The following SUPT3H variants were observed in gnomAD, a reference collection of about 807,000 sequenced individuals.
SUPT3H encodes the protein SPT3 homolog, SAGA and STAGA complex component, also known as transcription initiation protein SPT3 homolog.
Under a neutral mutation model 44.3 loss-of-function variants are expected in SUPT3H, and 44 were observed. The observed-to-expected ratio is 0.99, with a 90% CI of 0.78 to 1.28. The LOEUF (loss-of-function observed/expected upper bound fraction) is 1.28. Ranked by LOEUF, SUPT3H falls within the 50% of genes most tolerant of loss-of-function variation. The pLI, the probability that SUPT3H is intolerant of heterozygous loss-of-function variation, is 0.00. For missense variants in SUPT3H, 380 were observed against 387.1 expected (o/e 0.98, Z 0.15); for synonymous variants, 124 against 125.6 (o/e 0.99, Z 0.09).
intron 1 of SUPT3H, among the ~76,000 whole-genome samples, chr6:45,369,586 C>G (rs911770776): frequency 6.6e-6 from 1 of 152,010 alleles, no homozygotes; most frequent in Non-Finnish European, 1.5e-5. Context: ...GACAGTGTAT[C>G]GTATCCTCCC....
chr6:44,815,413 AT>A (rs990157156), intron 11 of SUPT3H, among the ~76,000 whole-genome samples: 1 of 152,210 alleles, frequency 6.6e-6, no homozygotes, highest in Non-Finnish European at 1.5e-5. Context: ...AGATTGTAAA[AT>A]GGGTTAAAAA....
chr6:45,303,777 G>A (rs368305867), intron 2 of SUPT3H, among the ~76,000 whole-genome samples: 9 of 151,468 alleles, frequency 5.9e-5, no homozygotes, highest in East Asian at 3.9e-4. Flanking sequence ...GGCGGATCAC[G>A]AGGTCAGGAG....
At chr6:45,133,606 C>CA (rs1803821365) in intron 2 of SUPT3H, among the ~76,000 whole-genome samples, 2 of 152,106 alleles carry the variant, frequency 1.3e-5, no homozygotes, top group South Asian at 4.1e-4. Flanking sequence ...CATAGGCTTA[C>CA]AAAAATCTGA....
intron 10 of SUPT3H, among the ~76,000 whole-genome samples, chr6:44,909,844 T>C (rs1156952683): frequency 1.3e-5 from 2 of 152,200 alleles, no homozygotes; most frequent in African/African-American, 4.8e-5. Context: ...ATTTTAGAAA[T>C]GTTGGCAGGC....
chr6:45,218,553 A>T, intron 2 of SUPT3H, among the ~76,000 whole-genome samples: 1 of 152,174 alleles, frequency 6.6e-6, no homozygotes, highest in East Asian at 1.9e-4. Context: ...AACATGGAGA[A>T]ACCCCACCTC....
chr6:44,830,160 T>C (rs1561846389), intron 10 of SUPT3H, among the ~76,000 whole-genome samples: 1 of 152,198 alleles, frequency 6.6e-6, no homozygotes, highest in Non-Finnish European at 1.5e-5. Flanking sequence ...TTGAATCTGT[T>C]TGTCTTTTAT....
In SUPT3H at chr6:45,155,487, CA is replaced by C. The variant is rs1807666457; in HGVS notation, c.102-49482del. Among the ~76,000 whole-genome samples, 4 of 152,268 alleles carry C rather than the reference CA, an allele frequency of 2.6e-5. No individual in the cohort carries two copies. In the South Asian group the frequency reaches 8.3e-4, roughly 32 times the overall value. ...CCTTGGTCAGGTCACAATGCTTCAA[CA>C]AATCTTTTAACACTACATTGTTACT... On this transcript the variant is annotated intron_variant, in intron 2 of 10. Coordinates refer to ENST00000371459, the MANE Select transcript of SUPT3H (RefSeq NM_003599.4).
chr6:45,096,547 T>C (rs1797807262), intron 3 of SUPT3H, among the ~76,000 whole-genome samples: 1 of 152,066 alleles, frequency 6.6e-6, no homozygotes, highest in Admixed American at 6.6e-5. Flanking sequence ...AAGCACTGGA[T>C]AAGAATTATG....
chr6:44,812,184 A>G (rs1026694185), intron 11 of SUPT3H, among the ~76,000 whole-genome samples: 4 of 152,252 alleles, frequency 2.6e-5, no homozygotes, highest in South Asian at 4.1e-4. Flanking sequence ...AGTCCAGTAT[A>G]AGTCTCATTA....
chr6:45,109,360 T>C (rs1282894657), intron 2 of SUPT3H, among the ~76,000 whole-genome samples: 1 of 152,058 alleles, frequency 6.6e-6, no homozygotes, highest in Non-Finnish European at 1.5e-5. Flanking sequence ...AAAAAAAAAG[T>C]GCAAAGTTAT....
chr6:45,046,555 T>A (rs962767202), intron 3 of SUPT3H, among the ~76,000 whole-genome samples: 6 of 152,170 alleles, frequency 3.9e-5, no homozygotes, highest in Admixed American at 3.9e-4. Flanking sequence ...GGTCTCAAAC[T>A]CCTGACCTCA....
intron 2 of SUPT3H, chr6:45,251,111 G>A (rs948164488): frequency 6.6e-6 from 1 of 151,942 alleles, no homozygotes; most frequent in Admixed American, 6.6e-5. Context: ...TTCCCAGCCA[G>A]GACTTCTCAA....
At position 45,020,576 on chromosome 6, in the gene SUPT3H, T is replaced by C. The variant is rs1784985415; in HGVS notation, c.243A>G (p.Glu81=). The change falls in exon 4 of 11, where the codon GAA becomes GAG. Residue 81 remains glutamate (E), a synonymous_variant. Coordinates refer to ENST00000371459, the MANE Select transcript of SUPT3H (RefSeq NM_003599.4). ...QLRGARVITP[E]DLLFLMRKDK... is the part of the protein sequence containing the mutation. ...CTTTGCGCATCAAAAACAGAAGATCTTCAGGAGTGATTACCCTTGCTCCCC... is the reference window on the plus strand; with the variant it reads ...CTTTGCGCATCAAAAACAGAAGATCCTCAGGAGTGATTACCCTTGCTCCCC... 1.2e-6 allele frequency: 2 copies of C among 1,611,748 alleles called. No individual in the cohort carries two copies. The highest frequency in any genetic ancestry group is 1.7e-6 in the Non-Finnish European group (2 of 1,178,426).
intron 3 of SUPT3H, among the ~76,000 whole-genome samples, chr6:45,072,873 G>C (rs1032419446): frequency 4.6e-5 from 7 of 151,774 alleles, no homozygotes; most frequent in Admixed American, 1.3e-4. Context: ...TATCTTACCA[G>C]AACTCAGGAA....
intron 2 of SUPT3H, among the ~76,000 whole-genome samples, chr6:45,282,669 T>C (rs1472040340): frequency 6.6e-6 from 1 of 152,108 alleles, no homozygotes; most frequent in Non-Finnish European, 1.5e-5. Context: ...CTGCAGGATA[T>C]TATCCAGAAG....
At chr6:45,021,450 A>G (rs553979835) in intron 3 of SUPT3H, among the ~76,000 whole-genome samples, 1 of 152,078 alleles carries the variant, frequency 6.6e-6, no homozygotes, top group East Asian at 1.9e-4. Context: ...GTTGGAAGCA[A>G]CATAAAATAC....
intron 3 of SUPT3H, 53 bp from the exon 4 acceptor site, chr6:45,020,685 G>C (rs1785002667): frequency 1.5e-6 from 2 of 1,295,536 alleles, no homozygotes; most frequent in Non-Finnish European, 1.1e-6. Flanking sequence ...ATTATATATA[G>C]TACAGTCATG....
intron 2 of SUPT3H, among the ~76,000 whole-genome samples, chr6:45,203,245 G>A (rs978418984): frequency 3.3e-5 from 5 of 152,100 alleles, no homozygotes; most frequent in Admixed American, 6.6e-5. Context: ...AATAAAGGAG[G>A]TGCAGTCCAT....
At chr6:44,900,029 C>G (rs1404340372) in intron 10 of SUPT3H, among the ~76,000 whole-genome samples, 1 of 152,152 alleles carries the variant, frequency 6.6e-6, no homozygotes, top group Non-Finnish European at 1.5e-5. Context: ...AATTAGAAAA[C>G]TATTTTAGGA....
Sources: gnomAD v4.1 joint callset for allele counts (sites outside exome capture counted in the v4.1 genomes callset) on GRCh38, gnomAD v4.1.1 for gene constraint, MANE v1.5 for transcripts, NCBI Gene and HGNC (gene_info 2026-07-23, HGNC 2026-07-21) for gene names.